Variants in GUCA1C observed in about 807,000 individuals in gnomAD.
The protein encoded by GUCA1C is guanylate cyclase activator 1C, also known as guanylyl cyclase-activating protein 3.
GUCA1C carries 15 observed loss-of-function variants against 16.2 expected under a neutral mutation model. That is an observed-to-expected ratio of 0.93 (90% CI 0.62 to 1.43). The LOEUF (loss-of-function observed/expected upper bound fraction) is 1.43. Among genes scored for constraint, GUCA1C ranks in the 40% most tolerant of loss-of-function variants. The pLI is 0.00. For missense variants in GUCA1C, 275 were observed against 244.8 expected, an observed-to-expected ratio of 1.12 and a Z score of -0.82; for synonymous variants, 78 against 85.4, an observed-to-expected ratio of 0.91 and a Z score of 0.48.
At chr3:108,920,675 T>C (rs545168684) in intron 1 of GUCA1C, 90 bp from the exon 2 acceptor site, 4 of 688,158 alleles carry the variant, frequency 5.8e-6, no homozygotes, top group Non-Finnish European at 9.8e-6. Flanking sequence ...GCAGGGCCTT[T>C]AGTATAACTT....
At chr3:108,913,554 G>A (rs1946477755) in intron 3 of GUCA1C, among the ~76,000 whole-genome samples, 1 of 152,004 alleles carries the variant, frequency 6.6e-6, no homozygotes, top group Non-Finnish European at 1.5e-5. Context: ...ACACTGGGCT[G>A]TCTCTGTTCA....
At chr3:108,942,639 G>GTTTT (rs1384528779) in intron 1 of GUCA1C, among the ~76,000 whole-genome samples, 3 of 152,192 alleles carry the variant, frequency 2.0e-5, no homozygotes, top group African/African-American at 4.8e-5. Flanking sequence ...ATATTACCAG[G>GTTTT]TTTAAAAGCA....
chr3:108,946,891 GA>G (rs10607933), intron 1 of GUCA1C, among the ~76,000 whole-genome samples: 27,123 of 96,234 alleles, frequency 0.28, 2,630 homozygotes, highest in East Asian at 0.4. Context: ...TCAAGAATCT[GA>G]AAAAAAAAAA....
rs543592255 is a variant in GUCA1C at position 108,916,723 on chromosome 3, G to A, written c.355-509C>T. 5.3e-5 allele frequency among the ~76,000 whole-genome samples: 8 copies of A among 152,192 alleles called. No homozygotes were observed. In the South Asian group the frequency reaches 1.5e-3, roughly 28 times the overall value. On this transcript the variant is annotated intron_variant, in intron 2 of 3. Transcript: ENST00000261047. ...GAGACAGATATATACACCTTAGAAG[G>A]GCCCTGAATTTCTCCCACATACTGT...
At position 108,920,522 on chromosome 3, in the gene GUCA1C, C is replaced by G; in HGVS notation, c.268G>C (p.Glu90Gln). 6.3e-7 allele frequency: 1 copy of G among 1,592,716 alleles called. No individual in the cohort carries two copies. The highest frequency in any genetic ancestry group is 8.6e-7 in the Non-Finnish European group (1 of 1,160,940). Residue 90 changes from glutamate (E) to glutamine (Q), a missense_variant, in exon 2 of 4, where the codon GAG becomes CAG. Coordinates refer to ENST00000261047, the MANE Select transcript of GUCA1C (RefSeq NM_005459.4). ...TTAAAATACCATTTTAATTTTTGCT[C>G]CATTTTTTCTTGCATGATTAGATTT... ...AVNLIMQEKMEQKLKWYFKLY... is the reference protein window; with the variant it reads ...AVNLIMQEKMQQKLKWYFKLY...
chr3:108,932,844 C>G (rs949508414), intron 1 of GUCA1C, among the ~76,000 whole-genome samples: 1 of 146,336 alleles, frequency 6.8e-6, no homozygotes, highest in Non-Finnish European at 1.5e-5. Context: ...ATGGCTTGAA[C>G]CTGGGAGGCA....
At chr3:108,908,687 A>ATTT (rs1679211788) in intron 3 of GUCA1C, among the ~76,000 whole-genome samples, 1 of 152,132 alleles carries the variant, frequency 6.6e-6, no homozygotes, top group South Asian at 2.1e-4. Context: ...TCCACAGGTT[A>ATTT]TTTTTGCTCA....
intron 1 of GUCA1C, among the ~76,000 whole-genome samples, chr3:108,922,472 C>T (rs1289936124): frequency 6.6e-6 from 1 of 152,024 alleles, no homozygotes; most frequent in Non-Finnish European, 1.5e-5. Context: ...TAAAAGTGTT[C>T]CCTTTTCTCT....
At chr3:108,921,147 A>G (rs372172733) in intron 1 of GUCA1C, among the ~76,000 whole-genome samples, 1 of 152,268 alleles carries the variant, frequency 6.6e-6, no homozygotes, top group East Asian at 1.9e-4. Flanking sequence ...CCATAGCTTT[A>G]CCTTTCTAGA....
chr3:108,917,413 C>A (rs988137745), intron 2 of GUCA1C, among the ~76,000 whole-genome samples: 1 of 152,010 alleles, frequency 6.6e-6, no homozygotes, highest in African/African-American at 2.4e-5. Context: ...TGGAGGGAGT[C>A]CTCAGCTTGC....
rs1414592469 is a variant in GUCA1C, at chr3:108,943,945, T to G, written c.204+9614A>C. Among the ~76,000 whole-genome samples, 5 of 152,220 alleles carry G rather than the reference T, an allele frequency of 3.3e-5. No homozygotes were observed. In the East Asian group the frequency reaches 9.6e-4, roughly 29 times the overall value. On this transcript the variant is annotated intron_variant, in intron 1 of 3. Coordinates refer to ENST00000261047, the MANE Select transcript of GUCA1C (RefSeq NM_005459.4). ...CCAATCTCATCCAGGTCACTCCACC[T>G]GTACCCCAATAACTTATAGAAAAAA...
At chr3:108,912,122 A>AATAATAATAATCATCATCATCATC (rs762101057) in intron 3 of GUCA1C, among the ~76,000 whole-genome samples, 1 of 147,720 alleles carries the variant, frequency 6.8e-6, no homozygotes, top group Non-Finnish European at 1.5e-5. Context: ...TAATAATAAT[A>AATAATAATAATCATCATCATCATC]ATCACCCTTT....
At chr3:108,923,924 T>C (rs1043815972) in intron 1 of GUCA1C, among the ~76,000 whole-genome samples, 4 of 152,158 alleles carry the variant, frequency 2.6e-5, no homozygotes, top group East Asian at 3.8e-4. Flanking sequence ...GTGAAAGGGG[T>C]TGAGTTCTTA....
intron 1 of GUCA1C, among the ~76,000 whole-genome samples, chr3:108,933,870 C>T (rs148476078): frequency 0.011 from 1,642 of 152,230 alleles, 11 homozygotes; most frequent in Middle Eastern, 0.031. Flanking sequence ...ACTATAAAGA[C>T]ACATGCACAC....
rs760415305 is a variant in GUCA1C at position 108,953,692 on chromosome 3, C to G, written c.71G>C (p.Arg24Thr). The G allele has an allele frequency of 1.2e-6, 2 of 1,613,064 alleles. No individual in the cohort carries two copies. Among genetic ancestry groups the G allele is most frequent in the Middle Eastern group, 1.7e-4 (1 of 6,058 alleles). Reference protein sequence around the residue: ...VPTQETHVWYRTFMMEYPSGL... With the variant: ...VPTQETHVWYTTFMMEYPSGL... ...GGATGGATATTCCATCATAAATGTT[C>G]TGTACCACACATGGGTCTCTTGTGT... Residue 24 changes from arginine (R) to threonine (T), a missense_variant, in exon 1 of 4, where the codon AGA (arginine) becomes ACA (threonine). By Grantham distance (71) the Arg-to-Thr change is moderately conservative. Coordinates refer to ENST00000261047, the MANE Select transcript of GUCA1C (RefSeq NM_005459.4).
intron 1 of GUCA1C, among the ~76,000 whole-genome samples, chr3:108,933,192 G>T (rs1946688279): frequency 6.6e-6 from 1 of 151,994 alleles, no homozygotes; most frequent in Non-Finnish European, 1.5e-5. Context: ...AAATTGTAAA[G>T]AATCTATTTG....
intron 1 of GUCA1C, among the ~76,000 whole-genome samples, chr3:108,933,944 T>C (rs1946695288): frequency 6.6e-6 from 1 of 152,144 alleles, no homozygotes; most frequent in African/African-American, 2.4e-5. Context: ...TGCCCATCAA[T>C]GATAGATGGG....
At chr3:108,920,916 A>C (rs1946564086) in intron 1 of GUCA1C, among the ~76,000 whole-genome samples, 1 of 152,174 alleles carries the variant, frequency 6.6e-6, no homozygotes, top group African/African-American at 2.4e-5. Context: ...TACATTTGTT[A>C]CAGTTGCTGA....
intron 3 of GUCA1C, among the ~76,000 whole-genome samples, chr3:108,910,039 G>A (rs1371701252): frequency 6.6e-6 from 1 of 152,138 alleles, no homozygotes; most frequent in Admixed American, 6.5e-5. Context: ...GTGCTCAGAA[G>A]GCACACACTG....
Sources: gnomAD v4.1 joint callset for allele counts (sites outside exome capture counted in the v4.1 genomes callset) on GRCh38, gnomAD v4.1.1 for gene constraint, MANE v1.5 for transcripts, NCBI Gene and HGNC (gene_info 2026-07-23, HGNC 2026-07-21) for gene names.